TCERG1: variants seen among roughly 807,000 people sequenced by gnomAD.
The protein encoded by TCERG1 is transcription elongation regulator 1.
Under a neutral mutation model 144.7 loss-of-function variants are expected in TCERG1, and 37 were observed. That is an observed-to-expected ratio of 0.26 (90% confidence interval 0.20 to 0.34). The LOEUF is 0.34. Among genes scored for constraint, TCERG1 ranks in the 10% least tolerant of loss-of-function variants. TCERG1 has a pLI of 1.00. For missense variants in TCERG1, 1,027 were observed against 1,380.7 expected (o/e 0.74, Z 4.06); for synonymous variants, 492 against 458.2 (o/e 1.07, Z -0.94).
chr5:146,479,857 CACCCA>C lies in TCERG1; in HGVS notation c.1768_1772del (p.Pro590SerfsTer17). 1 of 1,613,424 alleles carries C rather than the reference CACCCA, an allele frequency of 6.2e-7. No homozygotes were observed. The highest frequency in any genetic ancestry group is 8.5e-7 in the Non-Finnish European group (1 of 1,179,592). On this transcript the variant is annotated frameshift_variant, in exon 11 of 23. Coordinates refer to ENST00000679501, the MANE Select transcript of TCERG1 (RefSeq NM_001382548.1). LOFTEE classifies it high-confidence loss of function. ...AATATTTGAAATGTTTTTGCCAGGG[CACCCA>C]ACTCCGACAATGCTGTCGATCCAAA...
intron 1 of TCERG1, among the ~76,000 whole-genome samples, chr5:146,449,860 T>A (rs1398395972): frequency 6.6e-6 from 1 of 152,194 alleles, no homozygotes; most frequent in Non-Finnish European, 1.5e-5. Context: ...TATCAATACT[T>A]AAGATACTTG....
At chr5:146,494,423 C>T (rs985315177) in intron 16 of TCERG1, among the ~76,000 whole-genome samples, 69 of 152,192 alleles carry the variant, frequency 4.5e-4, no homozygotes, top group African/African-American at 1.5e-3. Context: ...AAAGAGATTT[C>T]CCTTGGTAGA....
rs774519831 is a variant in TCERG1 at position 146,447,427 on chromosome 5, C to T, written c.59+19C>T. 8.1e-6 allele frequency: 13 copies of T among 1,607,890 alleles called. No homozygotes were observed. Among genetic ancestry groups the T allele is most frequent in the Non-Finnish European group, 9.3e-6 (11 of 1,177,484 alleles). ...AGCTCAGGTAAGGAACGCTGCCCTC[C>T]TTCACATCTCTGCTCACGAGAGCCC... On this transcript the variant is annotated intron_variant, in intron 1 of 22. Coordinates refer to ENST00000679501, the MANE Select transcript of TCERG1 (RefSeq NM_001382548.1).
At chr5:146,483,466 A>G (rs1198243384) in intron 14 of TCERG1, 74 bp from the exon 15 acceptor site, 1 of 1,345,780 alleles carries the variant, frequency 7.4e-7, no homozygotes, top group African/African-American at 1.5e-5. Flanking sequence ...TATCCTGTAG[A>G]TTTCAAGCAA....
intron 16 of TCERG1, among the ~76,000 whole-genome samples, chr5:146,493,846 T>C (rs374902540): frequency 1.7e-4 from 26 of 152,194 alleles, no homozygotes; most frequent in South Asian, 4.1e-4. Flanking sequence ...ATTAGGTTAC[T>C]GGGAATACCT....
At chr5:146,481,106 G>A (rs1296808971) in intron 12 of TCERG1, 44 bp from the exon 13 acceptor site, 1 of 953,188 alleles carries the variant, frequency 1.0e-6, no homozygotes, top group Admixed American at 6.2e-5. Flanking sequence ...TTAATTGTTT[G>A]TTCTTATAGA....
intron 5 of TCERG1, among the ~76,000 whole-genome samples, chr5:146,466,656 G>A (rs1465659400): frequency 6.6e-6 from 1 of 152,128 alleles, no homozygotes; most frequent in African/African-American, 2.4e-5. Context: ...CAATCTGCAT[G>A]TAATCACTTT....
chr5:146,498,692 A>C lies in TCERG1; in HGVS notation c.2433+6A>C. 6.2e-7 allele frequency: 1 copy of C among 1,606,412 alleles called. No individual in the cohort carries two copies. Among genetic ancestry groups the C allele is most frequent in the African/African-American group, 1.3e-5 (1 of 74,440 alleles). ...CGAAGACCAGAGGTGAGAAGGTAAG[A>C]TGGTTTTAGTTCCAGTGGTGTGATT... On this transcript the variant is annotated splice_donor_region_variant and intron_variant, in intron 17 of 22. Transcript: ENST00000679501.
intron 17 of TCERG1, among the ~76,000 whole-genome samples, chr5:146,502,376 T>G (rs1371225856): frequency 1.3e-5 from 2 of 152,206 alleles, no homozygotes; most frequent in Admixed American, 6.5e-5. Flanking sequence ...GTCAGAATCC[T>G]TTGTTGAAAT....
At chr5:146,462,143 CTAAG>C (rs1372454701) in intron 4 of TCERG1, 2 of 152,526 alleles carry the variant, frequency 1.3e-5, no homozygotes, top group Non-Finnish European at 2.9e-5. Flanking sequence ...TCTTCCCAGC[CTAAG>C]TGAGTTTTTC....
intron 15 of TCERG1, among the ~76,000 whole-genome samples, chr5:146,487,224 A>G (rs1378529318): frequency 1.3e-5 from 2 of 152,198 alleles, no homozygotes; most frequent in Non-Finnish European, 2.9e-5. Context: ...TGCCAAATAA[A>G]TAAGATAACT....
At position 146,509,136 on chromosome 5, in the gene TCERG1, T is replaced by TA. The variant is rs747736770; in HGVS notation, c.3046-8dup. 8 of 1,529,882 alleles carry TA rather than the reference T, an allele frequency of 5.2e-6. No individual in the cohort carries two copies. In the Admixed American group the frequency reaches 1.1e-4, roughly 20 times the overall value. The allele number at this position is 1,529,882 out of a possible 1,614,324, so 94.8% of individuals were successfully genotyped here. A position where few individuals can be genotyped will look rare whatever the true frequency, so the allele number is the denominator to read the frequency against. ...TCCATAATCTCAACTTTTTTTTTTT[T>TA]ATTAACAGAAAAAACAAAGAGAATT... On this transcript the variant is annotated splice_polypyrimidine_tract_variant and intron_variant, in intron 21 of 22. Transcript: ENST00000679501.
At position 146,505,973 on chromosome 5, in the gene TCERG1, C is replaced by T. The variant is rs141589929; in HGVS notation, c.2782-1055C>T. ...TGTATTTTTAGTAGAAATGGGGTTT[C>T]GCCATGTTGGCCAGGCTGGTCTCGA... On this transcript the variant is annotated intron_variant, in intron 19 of 22. Transcript: ENST00000679501. 1.8e-3 allele frequency among the ~76,000 whole-genome samples: 273 copies of T among 152,176 alleles called. 1 individual carries two copies. Among genetic ancestry groups the T allele is most frequent in the Non-Finnish European group, 2.3e-3 (153 of 67,984 alleles).
intron 10 of TCERG1, 128 bp from the exon 11 acceptor site, chr5:146,479,725 TTG>T: frequency 1.2e-6 from 1 of 812,402 alleles, no homozygotes; most frequent in Non-Finnish European, 2.0e-6. Context: ...GAATTATGCT[TTG>T]TTTAATGTTT....
At position 146,482,656 on chromosome 5, in the gene TCERG1, G is replaced by T. The variant is rs753162881; in HGVS notation, c.2002G>T (p.Ala668Ser). The change falls in exon 14 of 23, where the codon GCC becomes TCC. Residue 668 changes from alanine to serine, a missense_variant. Coordinates refer to ENST00000679501, the MANE Select transcript of TCERG1 (RefSeq NM_001382548.1). Reference sequence around the variant, plus strand: ...TGCCATGGAAGCTGAAATTAAAGCTGCCCGAGAAAGGGCCATTGTCCCTCT... The same window carrying T: ...TGCCATGGAAGCTGAAATTAAAGCTTCCCGAGAAAGGGCCATTGTCCCTCT... Reference protein sequence around the residue: ...EAAMEAEIKAARERAIVPLEA... With the variant: ...EAAMEAEIKASRERAIVPLEA... 1 of 1,613,116 alleles carries T rather than the reference G, an allele frequency of 6.2e-7. No homozygotes were observed. The highest frequency in any genetic ancestry group is 1.1e-5 in the South Asian group (1 of 91,010).
Position 146,459,084 on chromosome 5 carries a change from C to A in TCERG1, c.639C>A (p.Ala213=), listed in dbSNP as rs187468589. Residue 213 remains alanine, a synonymous_variant, in exon 4 of 23, where the codon GCC becomes GCA. Coordinates refer to ENST00000679501, the MANE Select transcript of TCERG1 (RefSeq NM_001382548.1). ...AQAQAQAQAQ[A]QAQAQAQAQA... ...CCCAGGCTCAGGCTCAGGCCCAGGC[C>A]CAGGCCCAGGCCCAGGCCCAGGCCC... is the stretch of plus-strand genomic sequence containing the variant. The A allele has an allele frequency of 1.4e-6, 2 of 1,448,912 alleles. No individual in the cohort carries two copies. Among genetic ancestry groups the A allele is most frequent in the Non-Finnish European group, 1.9e-6 (2 of 1,050,394 alleles). The allele number at this position is 1,448,912 out of a possible 1,614,324, so 89.8% of individuals were successfully genotyped here.
Position 146,503,798 on chromosome 5 carries a change from G to A in TCERG1, c.2599-26G>A, listed in dbSNP as rs546687431. ...CATATTTTGATGGAGTTGGTAAGAA[G>A]GATAATGTAGTTTTTGCTTTTACAG... On this transcript the variant is annotated intron_variant, in intron 18 of 22. Transcript: ENST00000679501. The A allele has an allele frequency of 7.0e-5, 109 of 1,561,114 alleles. 1 individual carries two copies. Among genetic ancestry groups the A allele is most frequent in the Non-Finnish European group, 9.0e-5 (104 of 1,160,818 alleles).
At position 146,455,299 on chromosome 5, in the gene TCERG1, T is replaced by A; in HGVS notation, c.285+18T>A. 6.2e-7 allele frequency: 1 copy of A among 1,612,016 alleles called. No individual in the cohort carries two copies. Among genetic ancestry groups the A allele is most frequent in the Non-Finnish European group, 8.5e-7 (1 of 1,178,494 alleles). On this transcript the variant is annotated intron_variant, in intron 2 of 22. Transcript: ENST00000679501. ...ACCTCCAGGTAAAGAATGTAGAGGT[T>A]GCCATTTCTTTGTTGGCATCATTAT...
At chr5:146,499,573 T>A (rs767950941) in intron 17 of TCERG1, 6 of 152,216 alleles carry the variant, frequency 3.9e-5, no homozygotes, top group Non-Finnish European at 7.3e-5. Flanking sequence ...TGATTATGCT[T>A]CTCAGAGGAA....
Sources: gnomAD v4.1 joint callset for allele counts (sites outside exome capture counted in the v4.1 genomes callset) on GRCh38, gnomAD v4.1.1 for gene constraint, MANE v1.5 for transcripts, NCBI Gene and HGNC (gene_info 2026-07-23, HGNC 2026-07-21) for gene names.